Variants in EPB41L5 observed in about 807,000 individuals in gnomAD.
EPB41L5 encodes the protein band 4.1-like protein 5.
In EPB41L5, 55 loss-of-function variants were observed where a neutral mutation model predicts 106.6. The observed-to-expected ratio is 0.52, with a 90% CI of 0.42 to 0.65. EPB41L5 has a LOEUF of 0.65. Ranked by LOEUF, EPB41L5 falls within the 30% of genes least tolerant of loss-of-function variation. EPB41L5 has a pLI of 0.00. For synonymous variants in EPB41L5, 297 were observed against 306.7 expected, an observed-to-expected ratio of 0.97 and a Z score of 0.33; for missense variants, 871 against 882.1, an observed-to-expected ratio of 0.99 and a Z score of 0.16.
At chr2:120,137,717 T>TC (rs1685988274) in intron 18 of EPB41L5, among the ~76,000 whole-genome samples, 1 of 152,010 alleles carries the variant, frequency 6.6e-6, no homozygotes, top group Non-Finnish European at 1.5e-5. Flanking sequence ...ATAAAAAGTC[T>TC]CCCAGCAAAG....
rs374827180 is a variant in EPB41L5 at position 120,077,241 on chromosome 2, A to G, written c.639A>G (p.Pro213=). ...EKWKEYRGQT[P]AQAETNYLNK... ...TTTTAAATTTCAGAGGTCAAACACC[A>G]GCACAGGCTGAAACCAATTATCTGA... The change falls in exon 9 of 25, where the codon CCA becomes CCG. Residue 213 remains proline, a synonymous_variant. Transcript: ENST00000263713. The G allele has an allele frequency of 3.1e-6, 5 of 1,610,108 alleles. No individual in the cohort carries two copies. The South Asian group carries it at 5.5e-5, about 18-fold the overall frequency.
Position 120,178,301 on chromosome 2 carries a change from C to G in EPB41L5, c.*3394C>G, listed in dbSNP as rs1687987754. ...TGTCACTTGGAGGCAGCCAACACTT[C>G]TGGACATTGCATCCTTATTCACACA... On this transcript the variant is annotated 3_prime_UTR_variant, in exon 25 of 25. Coordinates refer to ENST00000263713, the MANE Select transcript of EPB41L5 (RefSeq NM_020909.4). The G allele has an allele frequency of 6.6e-6, 1 of 152,338 alleles. No individual in the cohort carries two copies. The highest frequency in any genetic ancestry group is 2.1e-4 in the South Asian group (1 of 4,834). The allele number at this position is 152,338 out of a possible 1,614,324, so 9.4% of individuals were successfully genotyped here.
chr2:120,145,628 A>G (rs2861030), intron 19 of EPB41L5, among the ~76,000 whole-genome samples: 96,990 of 152,024 alleles, frequency 0.64, 32,608 homozygotes, highest in Middle Eastern at 0.74. Context: ...AAAATTTATT[A>G]AACTGTACTT....
chr2:120,121,382 G>C (rs1466590119), intron 16 of EPB41L5, among the ~76,000 whole-genome samples: 1 of 152,028 alleles, frequency 6.6e-6, no homozygotes, highest in African/African-American at 2.4e-5. Flanking sequence ...CCCAGTGTGT[G>C]GTGTTCCCTG....
intron 1 of EPB41L5, among the ~76,000 whole-genome samples, chr2:120,013,915 T>G (rs1004100005): frequency 6.6e-6 from 1 of 152,268 alleles, no homozygotes; most frequent in Non-Finnish European, 1.5e-5. Context: ...ATTTGTAATG[T>G]AACCCACAAC....
intron 21 of EPB41L5, among the ~76,000 whole-genome samples, chr2:120,163,333 T>A (rs1395089680): frequency 6.8e-6 from 1 of 147,756 alleles, no homozygotes; most frequent in East Asian, 2.1e-4. Context: ...TGCCCTAGGT[T>A]CCTATTGTTT....
intron 16 of EPB41L5, among the ~76,000 whole-genome samples, chr2:120,107,306 T>C (rs1684509240): frequency 6.6e-6 from 1 of 152,186 alleles, no homozygotes; most frequent in African/African-American, 2.4e-5. Flanking sequence ...ATTTTAGTGT[T>C]AGTCTTTGAA....
chr2:120,019,060 T>C lies in EPB41L5; in HGVS notation c.-8-17T>C. 1 of 1,576,028 alleles carries C rather than the reference T, an allele frequency of 6.3e-7. No homozygotes were observed. The highest frequency in any genetic ancestry group is 8.6e-7 in the Non-Finnish European group (1 of 1,163,296). Reference sequence around the variant, plus strand: ...CATTTTTTTCCTGATGCCATCTTTTTCTCTCTGTTTTTATAGTGACAAAAA... The same window carrying C: ...CATTTTTTTCCTGATGCCATCTTTTCCTCTCTGTTTTTATAGTGACAAAAA... On this transcript the variant is annotated splice_polypyrimidine_tract_variant and intron_variant, in intron 1 of 24. Coordinates refer to ENST00000263713, the MANE Select transcript of EPB41L5 (RefSeq NM_020909.4).
intron 21 of EPB41L5, among the ~76,000 whole-genome samples, chr2:120,163,224 C>T (rs957221940): frequency 2.6e-5 from 4 of 151,158 alleles, no homozygotes; most frequent in South Asian, 4.2e-4. Context: ...CATTACACTC[C>T]AGCCTGGGTG....
chr2:120,092,177 C>A (rs140112562), intron 13 of EPB41L5, among the ~76,000 whole-genome samples: 1 of 151,966 alleles, frequency 6.6e-6, no homozygotes, highest in African/African-American at 2.4e-5. Context: ...TACAGGCATG[C>A]GCCACCACTC....
chr2:120,079,802 G>A (rs1368644108), intron 10 of EPB41L5, among the ~76,000 whole-genome samples: 1 of 151,838 alleles, frequency 6.6e-6, no homozygotes, highest in African/African-American at 2.4e-5. Context: ...ACATTAAATG[G>A]TCCTTCTGTT....
intron 20 of EPB41L5, among the ~76,000 whole-genome samples, chr2:120,147,023 G>A (rs1477433278): frequency 6.6e-6 from 1 of 152,092 alleles, no homozygotes; most frequent in Non-Finnish European, 1.5e-5. Flanking sequence ...TGGTGATCAG[G>A]GTAAAGCTAG....
chr2:120,160,604 T>G (rs755176352), intron 20 of EPB41L5: 3 of 307,868 alleles, frequency 9.7e-6, no homozygotes, highest in Non-Finnish European at 1.8e-5. Flanking sequence ...CTGTACTAAT[T>G]TACATTCCCA....
At chr2:120,171,138 A>T (rs1197089154) in intron 24 of EPB41L5, among the ~76,000 whole-genome samples, 1 of 152,236 alleles carries the variant, frequency 6.6e-6, no homozygotes, top group East Asian at 1.9e-4. Flanking sequence ...AGGAGACATC[A>T]GCAATTAAGA....
chr2:120,074,219 A>G, intron 5 of EPB41L5, 41 bp downstream of exon 5: 1 of 1,454,742 alleles, frequency 6.9e-7, no homozygotes, highest in Non-Finnish European at 9.5e-7. Flanking sequence ...TTATTTTGAT[A>G]GTTTTGAAAG....
chr2:120,143,270 C>T, intron 19 of EPB41L5, 139 bp downstream of exon 19: 6 of 1,024,538 alleles, frequency 5.9e-6, no homozygotes, highest in Non-Finnish European at 8.2e-6. Flanking sequence ...TAAAGATGCT[C>T]AGGGGGATAC....
intron 1 of EPB41L5, among the ~76,000 whole-genome samples, chr2:120,017,308 A>G (rs1438232745): frequency 6.6e-6 from 1 of 152,100 alleles, no homozygotes; most frequent in Non-Finnish European, 1.5e-5. Context: ...CCTACCTCTT[A>G]TTATGTACCT....
intron 12 of EPB41L5, 43 bp downstream of exon 12, chr2:120,090,559 G>A (rs769866010): frequency 6.4e-6 from 10 of 1,553,808 alleles, no homozygotes; most frequent in Non-Finnish European, 8.7e-6. Context: ...ATTGCATACA[G>A]GCCAAAAAAT....
intron 10 of EPB41L5, among the ~76,000 whole-genome samples, chr2:120,081,533 C>G (rs1189405701): frequency 6.6e-6 from 1 of 152,164 alleles, no homozygotes; most frequent in East Asian, 1.9e-4. Context: ...AGTTTGAAGT[C>G]AGGTAGCGTA....
Sources: gnomAD v4.1 joint callset for allele counts (sites outside exome capture counted in the v4.1 genomes callset) on GRCh38, gnomAD v4.1.1 for gene constraint, MANE v1.5 for transcripts, NCBI Gene and HGNC (gene_info 2026-07-23, HGNC 2026-07-21) for gene names.